The following CWF19L2 variants were observed in gnomAD, a reference collection of about 807,000 sequenced individuals.
CWF19L2 encodes CWF19 like cell cycle control factor 2.
A neutral mutation model predicts 111.7 loss-of-function variants in CWF19L2; 98 were observed. The ratio of observed to expected loss-of-function variants is 0.88; its 90% CI spans 0.75 to 1.04. The LOEUF (loss-of-function observed/expected upper bound fraction) is 1.04. Ranked by LOEUF, CWF19L2 falls within the 50% of genes least tolerant of loss-of-function variation. The probability of loss-of-function intolerance (pLI) is 0.00; values close to 1 mark genes in which losing one functional copy is unlikely to be tolerated. For synonymous variants in CWF19L2, 351 were observed against 342.9 expected (o/e 1.02, Z -0.26); for missense variants, 1,101 against 1,051.4 (o/e 1.05, Z -0.65).
Position 107,372,799 on chromosome 11 carries a change from C to A in CWF19L2, c.1872+17275G>T, listed in dbSNP as rs141823223. ...ATGGCCAAATAGGAACTGCTCCGGT[C>A]TACAGCTCCCAGCGTGAGCGACGCA... On this transcript the variant is annotated intron_variant, in intron 12 of 17. Coordinates refer to ENST00000282251, the MANE Select transcript of CWF19L2 (RefSeq NM_152434.3). Among the ~76,000 whole-genome samples the A allele has an allele frequency of 4.0e-4, 53 of 131,942 alleles. 9 individuals are homozygous for A. The highest frequency in any genetic ancestry group is 1.7e-3 in the African/African-American group (53 of 31,760). The allele number at this position is 131,942 out of a possible 152,430, so 86.6% of individuals were successfully genotyped here. A position where few individuals can be genotyped will look rare whatever the true frequency, so the allele number is the denominator to read the frequency against.
At chr11:107,374,268 A>T (rs1178421027) in intron 12 of CWF19L2, among the ~76,000 whole-genome samples, 1 of 128,106 alleles carries the variant, frequency 7.8e-6, no homozygotes, top group Non-Finnish European at 1.6e-5. Context: ...AAATACAGAG[A>T]ACGCCACAAA....
chr11:107,450,357 C>A (rs1218200593), intron 3 of CWF19L2, among the ~76,000 whole-genome samples: 3 of 151,820 alleles, frequency 2.0e-5, no homozygotes, highest in South Asian at 4.2e-4. Flanking sequence ...ACCAAAAAAA[C>A]CTAATAAAAT....
At chr11:107,349,290 TCTCA>T (rs1468338927) in intron 13 of CWF19L2, among the ~76,000 whole-genome samples, 4 of 152,128 alleles carry the variant, frequency 2.6e-5, no homozygotes, top group Admixed American at 6.6e-5. Flanking sequence ...AGAGCACAGA[TCTCA>T]ATTTTCACTA....
At position 107,379,407 on chromosome 11, in the gene CWF19L2, C is replaced by T. The variant is rs578219357; in HGVS notation, c.1872+10667G>A. The stretch of plus-strand genomic sequence containing the variant: ...AAATCTTCTATGGTTCACAGACAGT[C>T]CTTCTACAACAAAGACTTAACCAGC... On this transcript the variant is annotated intron_variant, in intron 12 of 17. Coordinates refer to ENST00000282251, the MANE Select transcript of CWF19L2 (RefSeq NM_152434.3). 4.6e-5 allele frequency among the ~76,000 whole-genome samples: 7 copies of T among 152,352 alleles called. No individual in the cohort carries two copies. The South Asian group carries it at 1.4e-3, about 32-fold the overall frequency.
At chr11:107,448,325 C>T (rs1484675882) in intron 3 of CWF19L2, among the ~76,000 whole-genome samples, 3 of 109,454 alleles carry the variant, frequency 2.7e-5, no homozygotes, top group African/African-American at 1.1e-4. Context: ...CGCCTGGCAA[C>T]AGAGCGAGAC....
chr11:107,439,677 C>T (rs501919), intron 5 of CWF19L2, among the ~76,000 whole-genome samples: 40,057 of 152,002 alleles, frequency 0.26, 5,575 homozygotes, highest in African/African-American at 0.33. Flanking sequence ...AATAACAGCA[C>T]GTTCTTAAAA....
intron 3 of CWF19L2, among the ~76,000 whole-genome samples, chr11:107,446,033 C>T (rs191218691): frequency 5.3e-5 from 8 of 152,176 alleles, no homozygotes; most frequent in Admixed American, 5.2e-4. Context: ...AAAAGCAAGA[C>T]AATAGAAGCC....
intron 12 of CWF19L2, among the ~76,000 whole-genome samples, chr11:107,362,648 A>G (rs1375697990): frequency 6.6e-6 from 1 of 151,566 alleles, no homozygotes; most frequent in Non-Finnish European, 1.5e-5. Context: ...AACAGAAAGG[A>G]CATCCACACC....
At chr11:107,345,544 C>A in intron 14 of CWF19L2, 3 of 443,590 alleles carry the variant, frequency 6.8e-6, no homozygotes, top group Admixed American at 2.8e-5. Context: ...TAAACAAAAA[C>A]TGAAAAAATA....
rs1304690231 is a variant in CWF19L2, at chr11:107,334,895, C to T, written c.2425G>A (p.Asp809Asn). The T allele has an allele frequency of 5.6e-6, 9 of 1,597,058 alleles. No homozygotes were observed. The African/African-American group carries it at 1.2e-4, about 21-fold the overall frequency. The change falls in exon 16 of 18, where the codon GAT (aspartate) becomes AAT (asparagine). Residue 809 changes from aspartate (D) to asparagine (N), a missense_variant. By Grantham distance (23) the Asp-to-Asn change is conservative. Coordinates refer to ENST00000282251, the MANE Select transcript of CWF19L2 (RefSeq NM_152434.3). ...NKKLIDLSSK[D>N]IRKSVPRGLP... is the part of the protein sequence containing the mutation. ...AACATACTTACAGACTTTCTGATAT[C>T]TTTTGAAGAGAGATCTATCAACTTC...
chr11:107,442,313 T>C (rs1343208898), intron 4 of CWF19L2, among the ~76,000 whole-genome samples: 8 of 152,212 alleles, frequency 5.3e-5, no homozygotes, highest in Admixed American at 4.6e-4. Context: ...AGTCTAATTG[T>C]TCTCCTGAAG....
chr11:107,362,303 G>C (rs889980588), intron 12 of CWF19L2, among the ~76,000 whole-genome samples: 7 of 152,006 alleles, frequency 4.6e-5, no homozygotes, highest in South Asian at 2.1e-4. Context: ...CAGGAAGCTC[G>C]AACTGGGTGG....
At chr11:107,381,181 T>A (rs1057237506) in intron 12 of CWF19L2, among the ~76,000 whole-genome samples, 2 of 152,192 alleles carry the variant, frequency 1.3e-5, no homozygotes, top group Non-Finnish European at 2.9e-5. Context: ...TATTTCAATT[T>A]ATTAATACTT....
intron 14 of CWF19L2, among the ~76,000 whole-genome samples, chr11:107,344,190 G>A (rs1860045508): frequency 6.6e-6 from 1 of 152,114 alleles, no homozygotes; most frequent in Non-Finnish European, 1.5e-5. Flanking sequence ...TCCAGCCTGG[G>A]TAACAGAGTA....
At chr11:107,412,435 G>A (rs1861170511) in intron 10 of CWF19L2, among the ~76,000 whole-genome samples, 1 of 152,150 alleles carries the variant, frequency 6.6e-6, no homozygotes, top group Non-Finnish European at 1.5e-5. Context: ...CCGCCTCCCA[G>A]GTTCAAGCAA....
intron 10 of CWF19L2, among the ~76,000 whole-genome samples, chr11:107,411,089 G>GCGCACACACACACACA (rs1491125517): frequency 1.3e-5 from 2 of 148,692 alleles, no homozygotes; most frequent in African/African-American, 2.5e-5. Flanking sequence ...GCGCGTGCGT[G>GCGCACACACACACACA]CACACACACA....
chr11:107,441,371 G>C (rs1367945063), intron 5 of CWF19L2, 132 bp downstream of exon 5: 1 of 694,262 alleles, frequency 1.4e-6, no homozygotes, highest in African/African-American at 1.9e-5. Context: ...TTTCATAGTT[G>C]TTCTCACTAA....
intron 14 of CWF19L2, chr11:107,345,543 A>C: frequency 2.2e-6 from 1 of 446,158 alleles, no homozygotes; most frequent in South Asian, 1.7e-5. Flanking sequence ...ATAAACAAAA[A>C]CTGAAAAAAT....
chr11:107,363,227 G>T (rs1203297340), intron 12 of CWF19L2, among the ~76,000 whole-genome samples: 1 of 152,076 alleles, frequency 6.6e-6, no homozygotes, highest in Non-Finnish European at 1.5e-5. Context: ...AGGGAGAATG[G>T]AACCAAGTTG....
Sources: allele counts gnomAD v4.1 joint callset (sites outside exome capture counted in the v4.1 genomes callset), GRCh38; gene constraint gnomAD v4.1.1; transcripts MANE v1.5; gene names NCBI Gene and HGNC (gene_info 2026-07-23, HGNC 2026-07-21).